The following CDH13 variants were observed in gnomAD, a reference collection of about 807,000 sequenced individuals.
The protein encoded by CDH13 is cadherin-13.
A neutral mutation model predicts 63.8 loss-of-function variants in CDH13; 24 were observed. That is an observed-to-expected ratio of 0.38 (90% CI 0.27 to 0.53). The LOEUF is 0.53. CDH13 is among the 20% of genes least tolerant of loss of function. CDH13 has a pLI of 0.85. For missense variants in CDH13, 1,049 were observed against 903.1 expected (o/e 1.16, Z -2.07); for synonymous variants, 503 against 355.3 (o/e 1.42, Z -4.67).
intron 3 of CDH13, among the ~76,000 whole-genome samples, chr16:83,090,129 A>C (rs1426580154): frequency 1.3e-5 from 2 of 152,152 alleles, no homozygotes; most frequent in African/African-American, 4.8e-5. Flanking sequence ...AAAAGCCTAC[A>C]GCTTCCTCCT....
At chr16:83,244,981 C>A (rs1904843616) in intron 5 of CDH13, among the ~76,000 whole-genome samples, 1 of 152,092 alleles carries the variant, frequency 6.6e-6, no homozygotes, top group South Asian at 2.1e-4. Flanking sequence ...CACGTTGAGC[C>A]ACTCTTATCA....
intron 6 of CDH13, among the ~76,000 whole-genome samples, chr16:83,402,174 A>G (rs753014192): frequency 2.0e-5 from 3 of 151,978 alleles, no homozygotes; most frequent in Non-Finnish European, 2.9e-5. Flanking sequence ...TATTGTTGTT[A>G]TTATCATTAC....
At position 82,938,280 on chromosome 16, in the gene CDH13, C is replaced by T. The variant is rs1008130640; in HGVS notation, c.157+79807C>T. Among the ~76,000 whole-genome samples, 6 of 152,124 alleles carry T rather than the reference C, an allele frequency of 3.9e-5. No homozygotes were observed. The East Asian group carries it at 5.8e-4, about 15-fold the overall frequency. On this transcript the variant is annotated intron_variant, in intron 2 of 13. Coordinates refer to ENST00000567109, the MANE Select transcript of CDH13 (RefSeq NM_001257.5). ...CCTCAGTAAAGACATGAAAAGGAAT[C>T]GTGATAAGGTGAATGCACTCCTACA...
At chr16:82,859,667 T>C (rs976264773) in intron 2 of CDH13, 5 of 152,032 alleles carry the variant, frequency 3.3e-5, no homozygotes, top group Non-Finnish European at 7.4e-5. Context: ...GTCTCAGGTT[T>C]ACGTTCCACG....
intron 3 of CDH13, among the ~76,000 whole-genome samples, chr16:83,124,584 G>A (rs181015473): frequency 6.7e-5 from 10 of 149,648 alleles, no homozygotes; most frequent in Admixed American, 1.3e-4. Context: ...ATCCTTTGCC[G>A]AGGCCAATAT....
intron 1 of CDH13, among the ~76,000 whole-genome samples, chr16:82,724,550 T>C (rs2151026356): frequency 6.6e-6 from 1 of 152,306 alleles, no homozygotes; most frequent in South Asian, 2.1e-4. Context: ...TCATTCTACA[T>C]TTATTGGGAT....
At position 83,435,311 on chromosome 16, in the gene CDH13, T is replaced by A. The variant is rs145608506; in HGVS notation, c.782-51166T>A. Reference sequence around the variant, plus strand: ...AACCTGTCTCAGCCTCCCAAAGGGCTGGGATTACAAGAGTGAGCCACTATG... The same window carrying A: ...AACCTGTCTCAGCCTCCCAAAGGGCAGGGATTACAAGAGTGAGCCACTATG... On this transcript the variant is annotated intron_variant, in intron 6 of 13. Transcript: ENST00000567109. Among the ~76,000 whole-genome samples the A allele has an allele frequency of 3.5e-3, 528 of 152,278 alleles. 7 individuals are homozygous for A. The highest frequency in any genetic ancestry group is 0.012 in the African/African-American group (510 of 41,556).
intron 2 of CDH13, among the ~76,000 whole-genome samples, chr16:83,008,776 A>G (rs1913812667): frequency 6.6e-6 from 1 of 152,302 alleles, no homozygotes; most frequent in South Asian, 2.1e-4. Context: ...ATCTTCACAG[A>G]TTATTCTATA....
rs1009543930 is a variant in CDH13, at chr16:83,128,911, C to G, written c.483+3410C>G. On this transcript the variant is annotated intron_variant, in intron 4 of 13. Coordinates refer to ENST00000567109, the MANE Select transcript of CDH13 (RefSeq NM_001257.5). ...TTTTCTAAGTGTGGTAGGCTACTAA[C>G]TAGACAATGCGCAAGAGCCTTCAAA... 4.6e-5 allele frequency among the ~76,000 whole-genome samples: 7 copies of G among 152,232 alleles called. No homozygotes were observed. In the South Asian group the frequency reaches 6.2e-4, roughly 13 times the overall value.
chr16:83,344,952 C>G lies in CDH13; in HGVS notation c.727C>G (p.Pro243Ala). ...TGTGATTGATCAGAATGACAACCGA[C>G]CGATCTTTCGGGAAGGCCCCTACAT... is the stretch of plus-strand genomic sequence containing the variant. ...VIVIDQNDNR[P>A]IFREGPYIGH... is the part of the protein sequence containing the mutation. The change falls in exon 6 of 14, where the codon CCG (proline) becomes GCG (alanine). Residue 243 changes from proline (P) to alanine (A), a missense_variant. Pro to Ala is a conservative substitution (Grantham distance 27). Transcript: ENST00000567109. 6.2e-7 allele frequency: 1 copy of G among 1,614,000 alleles called. No homozygotes were observed. Among genetic ancestry groups the G allele is most frequent in the Non-Finnish European group, 8.5e-7 (1 of 1,179,854 alleles).
chr16:82,662,378 A>G (rs1912053230), intron 1 of CDH13, among the ~76,000 whole-genome samples: 1 of 152,270 alleles, frequency 6.6e-6, no homozygotes, highest in Non-Finnish European at 1.5e-5. Context: ...TTGTCTGAAC[A>G]TATTTCAATG....
intron 3 of CDH13, among the ~76,000 whole-genome samples, chr16:83,064,750 A>G (rs2031858453): frequency 6.6e-6 from 1 of 152,192 alleles, no homozygotes; most frequent in Non-Finnish European, 1.5e-5. Flanking sequence ...TCATAATTGT[A>G]TGCATTTATG....
chr16:83,567,444 CAAG>C (rs1904292769), intron 7 of CDH13, among the ~76,000 whole-genome samples: 2 of 152,132 alleles, frequency 1.3e-5, no homozygotes, highest in Non-Finnish European at 2.9e-5. Flanking sequence ...AACTGAGTCA[CAAG>C]AAGAGTTGCT....
intron 8 of CDH13, among the ~76,000 whole-genome samples, chr16:83,636,100 A>T (rs78924605): frequency 8.4e-5 from 2 of 23,894 alleles, no homozygotes; most frequent in African/African-American, 2.8e-4. Flanking sequence ...CCCTTGATTA[A>T]AAAAAAAAAA....
intron 5 of CDH13, among the ~76,000 whole-genome samples, chr16:83,270,806 G>C (rs979580350): frequency 2.0e-5 from 3 of 151,714 alleles, no homozygotes; most frequent in African/African-American, 4.8e-5. Flanking sequence ...TGTTGTTAGT[G>C]TCAAAGACAT....
chr16:83,698,029 C>G (rs1257285818), intron 10 of CDH13, among the ~76,000 whole-genome samples: 1 of 152,236 alleles, frequency 6.6e-6, no homozygotes, highest in African/African-American at 2.4e-5. Flanking sequence ...CTACCTGTCT[C>G]CCCACACTAA....
At chr16:83,561,859 C>G (rs1029814072) in intron 7 of CDH13, among the ~76,000 whole-genome samples, 15 of 152,318 alleles carry the variant, frequency 9.8e-5, no homozygotes, top group African/African-American at 3.6e-4. Context: ...GAGACCACTG[C>G]TCTGAATCTG....
chr16:83,501,868 T>A (rs2074291434), intron 7 of CDH13, among the ~76,000 whole-genome samples: 2 of 152,248 alleles, frequency 1.3e-5, no homozygotes, highest in South Asian at 4.1e-4. Flanking sequence ...CTCCTGGACT[T>A]TTCACATATT....
intron 6 of CDH13, among the ~76,000 whole-genome samples, chr16:83,454,753 C>G (rs1173954883): frequency 6.6e-6 from 1 of 152,026 alleles, no homozygotes; most frequent in African/African-American, 2.4e-5. Flanking sequence ...ATTACACAGG[C>G]AGGATTGCAG....
Sources: gnomAD v4.1 joint callset for allele counts (sites outside exome capture counted in the v4.1 genomes callset) on GRCh38, gnomAD v4.1.1 for gene constraint, MANE v1.5 for transcripts, NCBI Gene and HGNC (gene_info 2026-07-23, HGNC 2026-07-21) for gene names.